The following NCAM1 variants were observed in gnomAD, a reference collection of about 807,000 sequenced individuals.
NCAM1 encodes the protein antigen recognized by monoclonal antibody 5.1H11.
In NCAM1, 14 loss-of-function variants were observed where a neutral mutation model predicts 109.8. That is an observed-to-expected ratio of 0.13 (90% CI 0.08 to 0.20). The LOEUF (loss-of-function observed/expected upper bound fraction) is 0.20, where lower values mean the gene tolerates loss of function less well. NCAM1 is among the 10% of genes least tolerant of loss of function. NCAM1 has a pLI of 1.00. For synonymous variants in NCAM1, 418 were observed against 442.9 expected, an observed-to-expected ratio of 0.94 and a Z score of 0.70; for missense variants, 774 against 1,109.9, an observed-to-expected ratio of 0.70 and a Z score of 4.30.
rs782340784 is a variant in NCAM1, at chr11:113,207,276, A to G, written c.644A>G (p.Gln215Arg). Residue 215 changes from glutamine to arginine, a missense_variant, in exon 6 of 20, where the codon CAG becomes CGG. This residue lies in a region of NCAM1 where 523 missense variants were observed against 784.2 expected (regional missense o/e 0.67). Coordinates refer to ENST00000316851, the MANE Select transcript of NCAM1 (RefSeq NM_181351.5). ...QVIVNVPPTI[Q>R]ARQNIVNATA... Reference sequence around the variant, plus strand: ...TTTCCTTCAGTGCCACCTACCATCCAGGCCAGGCAGAATATTGTGAATGCC... The same window carrying G: ...TTTCCTTCAGTGCCACCTACCATCCGGGCCAGGCAGAATATTGTGAATGCC... 2 of 1,613,904 alleles carry G rather than the reference A, an allele frequency of 1.2e-6. No homozygotes were observed. The highest frequency in any genetic ancestry group is 1.7e-6 in the Non-Finnish European group (2 of 1,179,848).
intron 1 of NCAM1, among the ~76,000 whole-genome samples, chr11:112,996,842 G>A (rs934619383): frequency 1.3e-4 from 20 of 152,176 alleles, no homozygotes; most frequent in Admixed American, 4.6e-4. Flanking sequence ...AAGGGACCCC[G>A]TCCCTTTTCT....
intron 1 of NCAM1, among the ~76,000 whole-genome samples, chr11:113,110,143 A>G (rs1364277330): frequency 6.6e-6 from 1 of 152,212 alleles, no homozygotes; most frequent in East Asian, 1.9e-4. Context: ...GCCATTTATT[A>G]TAAAAATCCT....
At chr11:113,243,660 G>A (rs782546108) in intron 14 of NCAM1, 2 of 513,274 alleles carry the variant, frequency 3.9e-6, no homozygotes, top group African/African-American at 3.9e-5. Context: ...GAATCCATAT[G>A]AGTATGCGTG....
intron 1 of NCAM1, among the ~76,000 whole-genome samples, chr11:113,004,212 T>C (rs891708963): frequency 5.3e-5 from 8 of 152,208 alleles, no homozygotes; most frequent in Non-Finnish European, 1.0e-4. Flanking sequence ...TGTTTTCTTG[T>C]GGCCGGGCGC....
chr11:113,095,339 T>C (rs558894787), intron 1 of NCAM1, among the ~76,000 whole-genome samples: 2 of 152,348 alleles, frequency 1.3e-5, no homozygotes, highest in Admixed American at 1.3e-4. Flanking sequence ...TGTATATGTA[T>C]GTGCTTATCT....
chr11:113,264,832 G>A, intron 17 of NCAM1: 2 of 985,400 alleles, frequency 2.0e-6, no homozygotes, highest in Middle Eastern at 5.2e-4. Flanking sequence ...CCCACGGCTT[G>A]TAACAGTGCG....
chr11:113,182,846 A>C (rs186649438), intron 1 of NCAM1, among the ~76,000 whole-genome samples: 5 of 152,208 alleles, frequency 3.3e-5, no homozygotes, highest in African/African-American at 1.2e-4. Context: ...CGCTTTGCCC[A>C]GGTGGCTTGG....
chr11:113,233,086 G>C lies in NCAM1; in HGVS notation c.1523-61G>C. The C allele has an allele frequency of 6.7e-7, 1 of 1,494,494 alleles. No homozygotes were observed. The highest frequency in any genetic ancestry group is 9.2e-7 in the Non-Finnish European group (1 of 1,090,988). 92.6% of individuals were successfully genotyped at this position (1,494,494 alleles called of 1,614,324 possible). A position where few individuals can be genotyped will look rare whatever the true frequency, so the allele number is the denominator to read the frequency against. ...TGACAGAGATGTGCCTTGTGACTGA[G>C]AGTTAATGGTCTTGGGCCAAACTGG... On this transcript the variant is annotated intron_variant, in intron 12 of 19. Coordinates refer to ENST00000316851, the MANE Select transcript of NCAM1 (RefSeq NM_181351.5). This position sits in a 1 kb window ranked among gnomAD's most constrained non-coding sequence, Gnocchi z 4.5.
At chr11:113,012,894 T>C (rs1371743334) in intron 1 of NCAM1, among the ~76,000 whole-genome samples, 1 of 152,192 alleles carries the variant, frequency 6.6e-6, no homozygotes, top group African/African-American at 2.4e-5. Context: ...GAGACTCTCC[T>C]AGTTTTTAGG....
At chr11:112,974,175 G>A (rs782507826) in intron 1 of NCAM1, among the ~76,000 whole-genome samples, 2 of 152,024 alleles carry the variant, frequency 1.3e-5, no homozygotes, top group Non-Finnish European at 2.9e-5. Flanking sequence ...AAGAAGTAAC[G>A]GAAAGAGGCC....
chr11:113,141,360 A>G (rs1941812402), intron 1 of NCAM1, among the ~76,000 whole-genome samples: 1 of 152,178 alleles, frequency 6.6e-6, no homozygotes, highest in Non-Finnish European at 1.5e-5. Flanking sequence ...GGCCGGGTGC[A>G]ATGGCTCACA....
chr11:113,077,766 A>T (rs1460756835), intron 1 of NCAM1, among the ~76,000 whole-genome samples: 2 of 150,760 alleles, frequency 1.3e-5, no homozygotes, highest in African/African-American at 4.9e-5. Flanking sequence ...GGCTCGCTGT[A>T]ACCTCCTCTT....
At chr11:112,991,364 C>A (rs1951452544) in intron 1 of NCAM1, among the ~76,000 whole-genome samples, 1 of 152,172 alleles carries the variant, frequency 6.6e-6, no homozygotes, top group Non-Finnish European at 1.5e-5. Context: ...AGTAACTTCA[C>A]TCAGGTTCAA....
chr11:113,002,640 C>T (rs376123025), intron 1 of NCAM1, among the ~76,000 whole-genome samples: 1 of 152,128 alleles, frequency 6.6e-6, no homozygotes, highest in African/African-American at 2.4e-5. Context: ...CTCTGCACCC[C>T]TCAGATATTG....
intron 1 of NCAM1, among the ~76,000 whole-genome samples, chr11:113,021,240 G>T (rs1952375767): frequency 6.6e-6 from 1 of 152,182 alleles, no homozygotes; most frequent in Non-Finnish European, 1.5e-5. Flanking sequence ...GATCATCACT[G>T]CAAAGGATCA....
chr11:113,115,900 A>G (rs907790516), intron 1 of NCAM1, among the ~76,000 whole-genome samples: 2 of 152,220 alleles, frequency 1.3e-5, no homozygotes, highest in Non-Finnish European at 2.9e-5. Context: ...CATCTTAACC[A>G]TTTTTAACTG....
At chr11:113,106,350 A>C (rs746660130) in intron 1 of NCAM1, among the ~76,000 whole-genome samples, 1 of 152,226 alleles carries the variant, frequency 6.6e-6, no homozygotes, top group Non-Finnish European at 1.5e-5. Flanking sequence ...AATATAGCCA[A>C]CACAGTTTGT....
intron 1 of NCAM1, among the ~76,000 whole-genome samples, chr11:112,992,136 T>G (rs1393196801): frequency 6.6e-6 from 1 of 152,182 alleles, no homozygotes; most frequent in Non-Finnish European, 1.5e-5. Flanking sequence ...AACTGCTTCC[T>G]CCCAAGGTTT....
chr11:113,146,396 G>C (rs1942019307), intron 1 of NCAM1, among the ~76,000 whole-genome samples: 1 of 152,140 alleles, frequency 6.6e-6, no homozygotes, highest in Non-Finnish European at 1.5e-5. Context: ...AAATGAACCT[G>C]TTTGATTATA....
Sources: gnomAD v4.1 joint callset for allele counts (sites outside exome capture counted in the v4.1 genomes callset) on GRCh38, gnomAD v4.1.1 for gene constraint, gnomAD v4.1.1 regional missense constraint, Gnocchi (gnomAD v3.1) non-coding constraint, MANE v1.5 for transcripts, NCBI Gene and HGNC (gene_info 2026-07-23, HGNC 2026-07-21) for gene names.